Variants in PLCB1 observed in about 807,000 individuals in gnomAD.
PLCB1 encodes phospholipase C beta 1, also known as 1-phosphatidylinositol 4,5-bisphosphate phosphodiesterase beta-1.
A neutral mutation model predicts 161.8 loss-of-function variants in PLCB1; 46 were observed. The ratio of observed to expected loss-of-function variants is 0.28; its 90% CI spans 0.22 to 0.36. PLCB1 has a LOEUF of 0.36. Ranked by LOEUF, PLCB1 falls within the 10% of genes least tolerant of loss-of-function variation. The pLI is 1.00. For synonymous variants in PLCB1, 517 were observed against 503.7 expected (o/e 1.03, Z -0.35); for missense variants, 1,016 against 1,472.5 (o/e 0.69, Z 5.07).
intron 1 of PLCB1, among the ~76,000 whole-genome samples, chr20:8,139,142 A>G (rs1008368858): frequency 8.0e-6 from 1 of 124,794 alleles, no homozygotes; most frequent in African/African-American, 3.2e-5. Flanking sequence ...GCTAGAGTGC[A>G]GTGGCACCAT....
chr20:8,148,829 C>G (rs1401141590), intron 1 of PLCB1, among the ~76,000 whole-genome samples: 1 of 152,166 alleles, frequency 6.6e-6, no homozygotes, highest in Admixed American at 6.5e-5. Context: ...ACTTATATAA[C>G]TACTTAGAAT....
intron 3 of PLCB1, among the ~76,000 whole-genome samples, chr20:8,410,556 A>G (rs1440588597): frequency 6.6e-6 from 1 of 152,076 alleles, no homozygotes; most frequent in Non-Finnish European, 1.5e-5. Context: ...TATTATGCCC[A>G]GTTATAAGTC....
intron 11 of PLCB1, among the ~76,000 whole-genome samples, chr20:8,700,476 A>T (rs548568979): frequency 6.6e-6 from 1 of 152,182 alleles, no homozygotes; most frequent in African/African-American, 2.4e-5. Context: ...CTTCAATTAC[A>T]TCTGTAATCC....
intron 31 of PLCB1, among the ~76,000 whole-genome samples, chr20:8,793,563 C>A (rs1471626017): frequency 6.6e-6 from 1 of 152,068 alleles, no homozygotes; most frequent in Non-Finnish European, 1.5e-5. Flanking sequence ...GCCGCAAAAA[C>A]CAGCAAGTTT....
At chr20:8,386,718 C>T (rs1987435362) in intron 3 of PLCB1, among the ~76,000 whole-genome samples, 1 of 152,188 alleles carries the variant, frequency 6.6e-6, no homozygotes, top group African/African-American at 2.4e-5. Context: ...TACTAGATGG[C>T]ATCATCTTCC....
At chr20:8,425,076 C>T (rs931893469) in intron 3 of PLCB1, among the ~76,000 whole-genome samples, 6 of 151,320 alleles carry the variant, frequency 4.0e-5, no homozygotes, top group African/African-American at 1.5e-4. Flanking sequence ...GTCACACTCC[C>T]GTGCAAACAT....
At chr20:8,876,555 T>C (rs1452907422) in intron 31 of PLCB1, among the ~76,000 whole-genome samples, 1 of 152,186 alleles carries the variant, frequency 6.6e-6, no homozygotes, top group Non-Finnish European at 1.5e-5. Flanking sequence ...CTCAAAGTTA[T>C]AGCCATAATA....
intron 31 of PLCB1, among the ~76,000 whole-genome samples, chr20:8,842,496 G>A (rs1415910189): frequency 6.6e-6 from 1 of 152,102 alleles, no homozygotes; most frequent in South Asian, 2.1e-4. Flanking sequence ...GTACGTAATA[G>A]GTTTTATTCA....
intron 2 of PLCB1, among the ~76,000 whole-genome samples, chr20:8,308,898 C>A (rs2123333555): frequency 6.6e-6 from 1 of 151,882 alleles, no homozygotes. Context: ...ATTTTGAATC[C>A]CAGATAGGGA....
intron 3 of PLCB1, among the ~76,000 whole-genome samples, chr20:8,437,630 A>G (rs181754232): frequency 1.3e-5 from 2 of 152,276 alleles, no homozygotes; most frequent in Non-Finnish European, 2.9e-5. Context: ...TCTCTCTGGT[A>G]TGGTGTTTAT....
At chr20:8,383,386 G>A (rs1987324218) in intron 3 of PLCB1, among the ~76,000 whole-genome samples, 1 of 151,980 alleles carries the variant, frequency 6.6e-6, no homozygotes, top group African/African-American at 2.4e-5. Context: ...CCATTTGCTT[G>A]GTAAATTTTC....
intron 2 of PLCB1, among the ~76,000 whole-genome samples, chr20:8,314,541 A>G (rs574466796): frequency 6.6e-6 from 1 of 152,344 alleles, no homozygotes; most frequent in African/African-American, 2.4e-5. Context: ...GGCAAGCTAT[A>G]TAACCTTTGT....
At chr20:8,382,156 C>T (rs1399094747) in intron 3 of PLCB1, among the ~76,000 whole-genome samples, 2 of 151,966 alleles carry the variant, frequency 1.3e-5, no homozygotes, top group African/African-American at 4.8e-5. Flanking sequence ...CACGTTGTCT[C>T]TTTGTTCTCA....
chr20:8,542,078 A>G (rs1257451458), intron 3 of PLCB1, among the ~76,000 whole-genome samples: 1 of 152,184 alleles, frequency 6.6e-6, no homozygotes, highest in East Asian at 1.9e-4. Flanking sequence ...TAATTCATAT[A>G]ATAGCCTCAG....
chr20:8,345,403 C>T (rs951460665), intron 2 of PLCB1, among the ~76,000 whole-genome samples: 5 of 152,186 alleles, frequency 3.3e-5, no homozygotes, highest in East Asian at 1.9e-4. Flanking sequence ...CATCAGGCCT[C>T]GTGTTTAAAA....
Position 8,638,608 on chromosome 20 carries a change from C to T in PLCB1, c.385-7494C>T, listed in dbSNP as rs189486955. ...GAATAGAAATGCTGAAAATAGTTGT[C>T]AAGAAACAGAACTAGGACGTAGAAG... On this transcript the variant is annotated intron_variant, in intron 4 of 31. Transcript: ENST00000338037. 2.6e-3 allele frequency among the ~76,000 whole-genome samples: 403 copies of T among 152,190 alleles called. 1 individual carries two copies. Among genetic ancestry groups the T allele is most frequent in the Middle Eastern group, 0.01 (3 of 294 alleles).
chr20:8,184,932 C>T (rs1439020009), intron 2 of PLCB1, among the ~76,000 whole-genome samples: 1 of 151,924 alleles, frequency 6.6e-6, no homozygotes, highest in Admixed American at 6.6e-5. Flanking sequence ...CTAATGCTAT[C>T]CCTCCCCTAG....
intron 3 of PLCB1, among the ~76,000 whole-genome samples, chr20:8,425,724 T>G (rs564896381): frequency 1.3e-5 from 2 of 152,322 alleles, no homozygotes; most frequent in Admixed American, 6.5e-5. Flanking sequence ...CCCTAGGCAA[T>G]GAGGAGATTC....
At position 8,884,269 on chromosome 20, in the gene PLCB1, A is replaced by G. The variant is rs1322257261; in HGVS notation, c.*2420A>G. 2 of 152,588 alleles carry G rather than the reference A, an allele frequency of 1.3e-5. No homozygotes were observed. Among genetic ancestry groups the G allele is most frequent in the Non-Finnish European group, 2.9e-5 (2 of 68,012 alleles). The allele number at this position is 152,588 out of a possible 1,614,324, so 9.5% of individuals were successfully genotyped here. A position where few individuals can be genotyped will look rare whatever the true frequency, so the allele number is the denominator to read the frequency against. ...TTTAATAATATTAATATTACTTGAAATAGACTAAGATAAAGAAAAGGGGTC... is the reference window on the plus strand; with the variant it reads ...TTTAATAATATTAATATTACTTGAAGTAGACTAAGATAAAGAAAAGGGGTC... On this transcript the variant is annotated 3_prime_UTR_variant, in exon 32 of 32. Transcript: ENST00000338037.
Sources: allele counts gnomAD v4.1 joint callset (sites outside exome capture counted in the v4.1 genomes callset), GRCh38; gene constraint gnomAD v4.1.1; transcripts MANE v1.5; gene names NCBI Gene and HGNC (gene_info 2026-07-23, HGNC 2026-07-21).